The following MACROD2 variants were observed in gnomAD, a reference collection of about 807,000 sequenced individuals.
MACROD2 encodes the protein ADP-ribose glycohydrolase MACROD2.
In MACROD2, 36 loss-of-function variants were observed where a neutral mutation model predicts 70.4. That is an observed-to-expected ratio of 0.51 (90% confidence interval 0.39 to 0.68). The LOEUF is 0.68. MACROD2 is among the 30% of genes least tolerant of loss of function. The pLI is 0.00. For synonymous variants in MACROD2, 172 were observed against 178.8 expected, an observed-to-expected ratio of 0.96 and a Z score of 0.30; for missense variants, 496 against 538.4, an observed-to-expected ratio of 0.92 and a Z score of 0.78.
intron 5 of MACROD2, among the ~76,000 whole-genome samples, chr20:14,752,996 T>C (rs912849752): frequency 8.5e-5 from 13 of 152,082 alleles, no homozygotes; most frequent in Non-Finnish European, 1.3e-4. Flanking sequence ...CCTAGTTGCA[T>C]ATATCCACTG....
chr20:14,048,677 G>A (rs1282468318), intron 2 of MACROD2, among the ~76,000 whole-genome samples: 1 of 151,950 alleles, frequency 6.6e-6, no homozygotes, highest in Non-Finnish European at 1.5e-5. Context: ...GTATTTGGGA[G>A]TACTTAAGCA....
At chr20:15,506,380 G>A (rs1383966960) in intron 8 of MACROD2, among the ~76,000 whole-genome samples, 1 of 152,200 alleles carries the variant, frequency 6.6e-6, no homozygotes, top group African/African-American at 2.4e-5. Context: ...AGCCTCCTGA[G>A]TGGTTCAGAT....
At chr20:14,068,417 A>G (rs544476824) in intron 2 of MACROD2, among the ~76,000 whole-genome samples, 2 of 152,308 alleles carry the variant, frequency 1.3e-5, no homozygotes, top group South Asian at 2.1e-4. Context: ...TAAGTAATAC[A>G]GGAAACAAAA....
chr20:14,964,295 G>A (rs751540442), intron 5 of MACROD2, among the ~76,000 whole-genome samples: 7 of 152,162 alleles, frequency 4.6e-5, no homozygotes, highest in South Asian at 4.2e-4. Context: ...CACACAGGCC[G>A]GGCGCGGTGG....
At chr20:14,048,111 G>C (rs2053505188) in intron 2 of MACROD2, among the ~76,000 whole-genome samples, 1 of 151,866 alleles carries the variant, frequency 6.6e-6, no homozygotes, top group Admixed American at 6.6e-5. Flanking sequence ...TTTTCATCTA[G>C]GTCCTGCTGC....
chr20:14,747,861 GC>G (rs1433156787), intron 5 of MACROD2, among the ~76,000 whole-genome samples: 2 of 152,002 alleles, frequency 1.3e-5, no homozygotes, highest in African/African-American at 4.8e-5. Context: ...CAATAGAGGA[GC>G]CTCTCCTGCA....
chr20:14,971,035 T>C (rs1459476377), intron 5 of MACROD2, among the ~76,000 whole-genome samples: 1 of 152,202 alleles, frequency 6.6e-6, no homozygotes, highest in East Asian at 1.9e-4. Context: ...GCTTCCAGGA[T>C]GCTCAAGTCC....
At chr20:14,308,414 T>C (rs936313293) in intron 3 of MACROD2, among the ~76,000 whole-genome samples, 8 of 152,120 alleles carry the variant, frequency 5.3e-5, no homozygotes, top group African/African-American at 1.9e-4. Flanking sequence ...GTCCAGATCA[T>C]TTTATTGAAC....
At chr20:15,070,503 G>A (rs2075610502) in intron 5 of MACROD2, among the ~76,000 whole-genome samples, 2 of 152,110 alleles carry the variant, frequency 1.3e-5, no homozygotes, top group South Asian at 4.1e-4. Flanking sequence ...CTCAATTTTG[G>A]AGGCAAGGTC....
intron 3 of MACROD2, among the ~76,000 whole-genome samples, chr20:14,316,711 A>G (rs2082614481): frequency 1.3e-5 from 2 of 152,232 alleles, no homozygotes; most frequent in African/African-American, 2.4e-5. Flanking sequence ...CCCAAGCTTC[A>G]GTAACAGAAT....
intron 3 of MACROD2, among the ~76,000 whole-genome samples, chr20:14,333,524 T>C (rs1031599750): frequency 5.3e-5 from 8 of 152,090 alleles, no homozygotes; most frequent in African/African-American, 1.9e-4. Flanking sequence ...GTGCAGAGTT[T>C]GGGGTGGGGG....
At chr20:14,509,284 T>C (rs2085003260) in intron 4 of MACROD2, among the ~76,000 whole-genome samples, 1 of 152,120 alleles carries the variant, frequency 6.6e-6, no homozygotes, top group African/African-American at 2.4e-5. Context: ...AATTTTTTAA[T>C]TGGGACAGTA....
chr20:15,186,374 C>G (rs1639397674), intron 5 of MACROD2, among the ~76,000 whole-genome samples: 1 of 152,132 alleles, frequency 6.6e-6, no homozygotes, highest in Admixed American at 6.6e-5. Context: ...TCTAGACAAC[C>G]TTGCCCTCCA....
chr20:14,526,964 G>C (rs2423801), intron 4 of MACROD2, among the ~76,000 whole-genome samples: 124,752 of 152,260 alleles, frequency 0.82, 51,518 homozygotes, highest in East Asian at 1. Context: ...TCTTGCCTTG[G>C]TGTTGTACGG....
chr20:14,059,346 A>G (rs2053666891), intron 2 of MACROD2, among the ~76,000 whole-genome samples: 1 of 152,336 alleles, frequency 6.6e-6, no homozygotes, highest in Admixed American at 6.5e-5. Flanking sequence ...TTGAGCACCT[A>G]CTAAGCACCA....
chr20:15,732,786 T>A (rs1263915169), intron 8 of MACROD2, among the ~76,000 whole-genome samples: 1 of 151,196 alleles, frequency 6.6e-6, no homozygotes, highest in Non-Finnish European at 1.5e-5. Context: ...GGGTTTGATA[T>A]TAGGATAATT....
chr20:14,860,190 G>T (rs1304256559), intron 5 of MACROD2, among the ~76,000 whole-genome samples: 3 of 152,080 alleles, frequency 2.0e-5, no homozygotes, highest in Admixed American at 6.6e-5. Flanking sequence ...AATTGTACAG[G>T]TTACTATTTC....
At chr20:14,235,440 A>G (rs2122218309) in intron 3 of MACROD2, among the ~76,000 whole-genome samples, 1 of 152,298 alleles carries the variant, frequency 6.6e-6, no homozygotes, top group African/African-American at 2.4e-5. Context: ...CAGGGAGACC[A>G]TGATTCAAAC....
chr20:15,446,802 T>C (rs955452837), intron 7 of MACROD2, among the ~76,000 whole-genome samples: 1 of 152,206 alleles, frequency 6.6e-6, no homozygotes, highest in African/African-American at 2.4e-5. Context: ...ATATTTTATC[T>C]TCTCATCCTT....
Sources: gnomAD v4.1 joint callset for allele counts (sites outside exome capture counted in the v4.1 genomes callset) on GRCh38, gnomAD v4.1.1 for gene constraint, MANE v1.5 for transcripts, NCBI Gene and HGNC (gene_info 2026-07-23, HGNC 2026-07-21) for gene names.